The following PARD3B variants were observed in gnomAD, a reference collection of about 807,000 sequenced individuals.
PARD3B encodes the protein par-3 family cell polarity regulator beta.
In PARD3B, 103 loss-of-function variants were observed where a neutral mutation model predicts 130.2. The ratio of observed to expected loss-of-function variants is 0.79; its 90% CI spans 0.67 to 0.93. PARD3B has a LOEUF of 0.93. Among genes scored for constraint, PARD3B ranks in the 40% least tolerant of loss-of-function variants. The pLI, the probability that PARD3B is intolerant of heterozygous loss-of-function variation, is 0.00. For synonymous variants in PARD3B, 583 were observed against 553.2 expected, an observed-to-expected ratio of 1.05 and a Z score of -0.76; for missense variants, 1,609 against 1,499.2, an observed-to-expected ratio of 1.07 and a Z score of -1.21.
intron 2 of PARD3B, among the ~76,000 whole-genome samples, chr2:204,853,846 G>A (rs192188166): frequency 5.1e-3 from 780 of 152,232 alleles, no homozygotes; most frequent in Non-Finnish European, 7.4e-3. Flanking sequence ...ATAAGTAATT[G>A]CACAAATAAG....
At chr2:205,295,931 T>C (rs1423844489) in intron 16 of PARD3B, among the ~76,000 whole-genome samples, 2 of 152,176 alleles carry the variant, frequency 1.3e-5, no homozygotes, top group Non-Finnish European at 1.5e-5. Flanking sequence ...AGTTTAATTG[T>C]TTTAAAAAAA....
chr2:205,057,267 T>C (rs1486502800), intron 4 of PARD3B, among the ~76,000 whole-genome samples: 1 of 150,126 alleles, frequency 6.7e-6, no homozygotes, highest in East Asian at 1.9e-4. Context: ...GTATATGTTA[T>C]ATGTATGTTA....
intron 1 of PARD3B, among the ~76,000 whole-genome samples, chr2:204,604,163 A>T (rs2033619681): frequency 6.6e-6 from 1 of 152,122 alleles, no homozygotes; most frequent in Non-Finnish European, 1.5e-5. Flanking sequence ...CAGAGGGAAT[A>T]CTTCTCTTAT....
intron 18 of PARD3B, among the ~76,000 whole-genome samples, chr2:205,367,592 A>G (rs2044657004): frequency 1.3e-5 from 2 of 152,194 alleles, no homozygotes; most frequent in Non-Finnish European, 2.9e-5. Context: ...ATCTTTTAAG[A>G]TTCTTTCTAG....
At chr2:204,598,812 T>C (rs1009142800) in intron 1 of PARD3B, among the ~76,000 whole-genome samples, 2 of 152,052 alleles carry the variant, frequency 1.3e-5, no homozygotes, top group African/African-American at 4.8e-5. Context: ...CTTAATGGGA[T>C]CTACTAGATC....
In PARD3B at chr2:204,814,527, T is replaced by C. The variant is rs543120340; in HGVS notation, c.222+128245T>C. On this transcript the variant is annotated intron_variant, in intron 2 of 22. Coordinates refer to ENST00000406610, the MANE Select transcript of PARD3B (RefSeq NM_001302769.2). ...CTCTAGGAGTAAAGAGTTATATTTTTTCCTTTCTAATCTCAAATGAGTTTC... is the reference window on the plus strand; with the variant it reads ...CTCTAGGAGTAAAGAGTTATATTTTCTCCTTTCTAATCTCAAATGAGTTTC... Among the ~76,000 whole-genome samples, 1,196 of 152,044 alleles carry C rather than the reference T, an allele frequency of 7.9e-3. 11 individuals carry two copies. The highest frequency in any genetic ancestry group is 0.012 in the Non-Finnish European group (843 of 67,842).
intron 2 of PARD3B, among the ~76,000 whole-genome samples, chr2:204,873,180 C>T (rs940948529): frequency 6.6e-6 from 1 of 152,164 alleles, no homozygotes; most frequent in African/African-American, 2.4e-5. Flanking sequence ...GACACTAAAG[C>T]GTATATCCTT....
At chr2:204,922,253 G>A (rs569216643) in intron 2 of PARD3B, among the ~76,000 whole-genome samples, 156 of 152,180 alleles carry the variant, frequency 1.0e-3, no homozygotes, top group African/African-American at 3.6e-3. Flanking sequence ...AAAGCAAAAA[G>A]AGAAGCAAAT....
At chr2:205,001,005 T>C (rs1470528846) in intron 3 of PARD3B, among the ~76,000 whole-genome samples, 3 of 152,172 alleles carry the variant, frequency 2.0e-5, no homozygotes, top group African/African-American at 7.2e-5. Flanking sequence ...TTGTTTGTTT[T>C]TTAGACAGAG....
At chr2:204,814,648 A>G (rs1468181858) in intron 2 of PARD3B, among the ~76,000 whole-genome samples, 2 of 152,048 alleles carry the variant, frequency 1.3e-5, no homozygotes, top group Non-Finnish European at 2.9e-5. Context: ...TTCTGATGTT[A>G]GGGTGAAAAC....
chr2:205,131,844 G>GA (rs979109532), intron 10 of PARD3B, among the ~76,000 whole-genome samples: 15 of 152,204 alleles, frequency 9.9e-5, no homozygotes, highest in South Asian at 8.3e-4. Flanking sequence ...GTTTGGAGGG[G>GA]AAAAAAGATG....
At chr2:204,710,528 A>T (rs2038383449) in intron 2 of PARD3B, among the ~76,000 whole-genome samples, 1 of 152,230 alleles carries the variant, frequency 6.6e-6, no homozygotes, top group Admixed American at 6.5e-5. Flanking sequence ...GTAGAAGTTT[A>T]GACAGGGGCT....
chr2:205,615,776 A>G lies in PARD3B; in HGVS notation c.3581A>G (p.Asp1194Gly). Residue 1194 changes from aspartate (D) to glycine (G), a missense_variant, in exon 23 of 23, where the codon GAT becomes GGT. Coordinates refer to ENST00000406610, the MANE Select transcript of PARD3B (RefSeq NM_001302769.2). ...SPDQYPYRTQ[D>G]SRQKNPMTAA... ...GACCAGTACCCTTACCGAACCCAGGATTCCCGGCAGAAGAACCCCATGACT... is the reference window on the plus strand; with the variant it reads ...GACCAGTACCCTTACCGAACCCAGGGTTCCCGGCAGAAGAACCCCATGACT... 1 of 1,613,928 alleles carries G rather than the reference A, an allele frequency of 6.2e-7. No individual in the cohort carries two copies. Among genetic ancestry groups the G allele is most frequent in the South Asian group, 1.1e-5 (1 of 91,064 alleles).
At chr2:204,642,067 A>G (rs1000583221) in intron 1 of PARD3B, among the ~76,000 whole-genome samples, 2 of 152,248 alleles carry the variant, frequency 1.3e-5, no homozygotes, top group African/African-American at 4.8e-5. Context: ...AGTTGGTTCT[A>G]ACATAAACCT....
chr2:205,236,808 G>A (rs1017871445), intron 15 of PARD3B, among the ~76,000 whole-genome samples: 10 of 152,166 alleles, frequency 6.6e-5, no homozygotes, highest in African/African-American at 2.2e-4. Flanking sequence ...CTGATCAGTC[G>A]CAGTGACATC....
intron 2 of PARD3B, among the ~76,000 whole-genome samples, chr2:204,896,181 C>A (rs2046634015): frequency 6.6e-6 from 1 of 152,114 alleles, no homozygotes; most frequent in Non-Finnish European, 1.5e-5. Flanking sequence ...ATTCATCACT[C>A]TACTTAGAAT....
chr2:204,886,090 A>G (rs1367427463), intron 2 of PARD3B, among the ~76,000 whole-genome samples: 1 of 152,168 alleles, frequency 6.6e-6, no homozygotes, highest in African/African-American at 2.4e-5. Flanking sequence ...CTTTCAGACT[A>G]TTTGAACATG....
intron 2 of PARD3B, among the ~76,000 whole-genome samples, chr2:204,757,852 A>T (rs2040744981): frequency 6.6e-6 from 1 of 152,164 alleles, no homozygotes; most frequent in Non-Finnish European, 1.5e-5. Context: ...AAAAGACAAT[A>T]TGAGGAAACA....
At chr2:205,404,004 C>T (rs1163346553) in intron 19 of PARD3B, among the ~76,000 whole-genome samples, 1 of 152,142 alleles carries the variant, frequency 6.6e-6, no homozygotes, top group African/African-American at 2.4e-5. Context: ...GCACACAAAA[C>T]TTACAAAAGC....
Sources: gnomAD v4.1 joint callset for allele counts (sites outside exome capture counted in the v4.1 genomes callset) on GRCh38, gnomAD v4.1.1 for gene constraint, MANE v1.5 for transcripts, NCBI Gene and HGNC (gene_info 2026-07-23, HGNC 2026-07-21) for gene names.